ATRNL1: variants seen among roughly 807,000 people sequenced by gnomAD.
ATRNL1 encodes the protein attractin like 1.
A neutral mutation model predicts 182.7 loss-of-function variants in ATRNL1; 95 were observed. The observed-to-expected ratio is 0.52, with a 90% CI of 0.44 to 0.62. ATRNL1 has a LOEUF of 0.62. ATRNL1 is among the 20% of genes least tolerant of loss of function. ATRNL1 has a pLI of 0.00. For synonymous variants in ATRNL1, 576 were observed against 568.3 expected, an observed-to-expected ratio of 1.01 and a Z score of -0.19; for missense variants, 1,471 against 1,679.5, an observed-to-expected ratio of 0.88 and a Z score of 2.17.
intron 26 of ATRNL1, among the ~76,000 whole-genome samples, chr10:115,566,462 TTTATC>T (rs1298699173): frequency 1.3e-5 from 2 of 152,182 alleles, no homozygotes; most frequent in Non-Finnish European, 2.9e-5. Context: ...TGGCTATTCT[TTTATC>T]TTAGGTTATT....
chr10:115,176,580 AAG>A (rs1847517985), intron 8 of ATRNL1, among the ~76,000 whole-genome samples: 2 of 152,088 alleles, frequency 1.3e-5, no homozygotes, highest in Non-Finnish European at 2.9e-5. Context: ...TGTGAGATAA[AAG>A]AGAGGAACCA....
chr10:115,342,297 T>C (rs531030165), intron 19 of ATRNL1, among the ~76,000 whole-genome samples: 15 of 151,910 alleles, frequency 9.9e-5, no homozygotes, highest in African/African-American at 3.6e-4. Context: ...GTGAAGGCCT[T>C]TTTTTTCCTG....
chr10:115,336,852 TC>T, intron 19 of ATRNL1, among the ~76,000 whole-genome samples: 1 of 151,590 alleles, frequency 6.6e-6, no homozygotes, highest in African/African-American at 2.4e-5. Context: ...GATTTTTTTT[TC>T]TTTTTTTTTT....
chr10:115,555,366 AT>A (rs1554996769), intron 26 of ATRNL1, among the ~76,000 whole-genome samples: 1 of 151,864 alleles, frequency 6.6e-6, no homozygotes, highest in Non-Finnish European at 1.5e-5. Flanking sequence ...TCTTAAAGAT[AT>A]ATATCTGCCT....
chr10:115,570,948 G>T (rs144706905), intron 26 of ATRNL1, among the ~76,000 whole-genome samples: 1 of 152,258 alleles, frequency 6.6e-6, no homozygotes, highest in South Asian at 2.1e-4. Flanking sequence ...CAAGCATAGG[G>T]TTTATTCATA....
At chr10:115,363,109 A>G (rs1362204682) in intron 19 of ATRNL1, among the ~76,000 whole-genome samples, 1 of 147,168 alleles carries the variant, frequency 6.8e-6, no homozygotes, top group African/African-American at 2.5e-5. Flanking sequence ...GACTTCCACA[A>G]TGGTTGAACT....
At chr10:115,194,872 G>T (rs1848301419) in intron 8 of ATRNL1, among the ~76,000 whole-genome samples, 1 of 148,116 alleles carries the variant, frequency 6.8e-6, no homozygotes, top group African/African-American at 2.5e-5. Context: ...TTTGTTTTGT[G>T]GTTACCATGA....
intron 28 of ATRNL1, among the ~76,000 whole-genome samples, chr10:115,905,331 G>C (rs1026732561): frequency 6.6e-6 from 1 of 151,448 alleles, no homozygotes; most frequent in South Asian, 2.1e-4. Context: ...AGCGATCCTC[G>C]TACCTCAGCC....
intron 18 of ATRNL1, among the ~76,000 whole-genome samples, chr10:115,328,002 G>T (rs1262230970): frequency 6.6e-6 from 1 of 151,834 alleles, no homozygotes; most frequent in Non-Finnish European, 1.5e-5. Flanking sequence ...CGAGTTAGTG[G>T]GTGCAGCGCA....
intron 27 of ATRNL1, among the ~76,000 whole-genome samples, chr10:115,758,671 G>T (rs1428220789): frequency 6.6e-6 from 1 of 152,204 alleles, no homozygotes; most frequent in Non-Finnish European, 1.5e-5. Flanking sequence ...TGGGAGAACC[G>T]CTGCTCTCTT....
rs868909034 is a variant in ATRNL1 at position 115,628,080 on chromosome 10, G to A, written c.3795+78544G>A. 3.3e-4 allele frequency among the ~76,000 whole-genome samples: 50 copies of A among 150,566 alleles called. 2 individuals carry two copies. Among genetic ancestry groups the A allele is most frequent in the Middle Eastern group, 6.4e-3 (2 of 314 alleles). On this transcript the variant is annotated intron_variant, in intron 26 of 28. Coordinates refer to ENST00000355044, the MANE Select transcript of ATRNL1 (RefSeq NM_207303.4). ...GAGAATTGCTTGAACCCGGGAGGCG[G>A]AGGTTACAGTGAGCCAAGATCGCAC...
chr10:115,682,671 T>C (rs1565281132), intron 26 of ATRNL1, among the ~76,000 whole-genome samples: 1 of 148,622 alleles, frequency 6.7e-6, no homozygotes, highest in Non-Finnish European at 1.5e-5. Flanking sequence ...ATAATACATA[T>C]GATGATGATG....
chr10:115,944,889 C>T lies in ATRNL1; in HGVS notation c.*110C>T. 1 of 1,272,578 alleles carries T rather than the reference C, an allele frequency of 7.9e-7. No individual in the cohort carries two copies. Among genetic ancestry groups the T allele is most frequent in the South Asian group, 2.4e-5 (1 of 42,526 alleles). 78.8% of individuals were successfully genotyped at this position (1,272,578 alleles called of 1,614,324 possible). A position where few individuals can be genotyped will look rare whatever the true frequency, so the allele number is the denominator to read the frequency against. ...GGCAGATCTCTGTATCATCCAGAGC[C>T]TGAGTACAGTTTCCTTCCAAATGGA... is the stretch of plus-strand genomic sequence containing the variant. On this transcript the variant is annotated 3_prime_UTR_variant, in exon 29 of 29. Coordinates refer to ENST00000355044, the MANE Select transcript of ATRNL1 (RefSeq NM_207303.4).
At chr10:115,804,954 A>G (rs1035662600) in intron 27 of ATRNL1, among the ~76,000 whole-genome samples, 1 of 152,238 alleles carries the variant, frequency 6.6e-6, no homozygotes, top group South Asian at 2.1e-4. Flanking sequence ...ATTTTCGTTA[A>G]GTCTAAAGAA....
At chr10:115,750,618 T>C (rs1593167041) in intron 27 of ATRNL1, among the ~76,000 whole-genome samples, 1 of 151,622 alleles carries the variant, frequency 6.6e-6, no homozygotes, top group Non-Finnish European at 1.5e-5. Flanking sequence ...GGTGACAATA[T>C]GAAAATTTAG....
chr10:115,654,271 G>A (rs1860192077), intron 26 of ATRNL1, among the ~76,000 whole-genome samples: 2 of 151,606 alleles, frequency 1.3e-5, no homozygotes, highest in Non-Finnish European at 2.9e-5. Flanking sequence ...CCAGGCTGGA[G>A]TGCAGTGGCG....
At chr10:115,243,389 C>G (rs1850502490) in intron 10 of ATRNL1, among the ~76,000 whole-genome samples, 1 of 151,994 alleles carries the variant, frequency 6.6e-6, no homozygotes, top group Non-Finnish European at 1.5e-5. Flanking sequence ...CTAATTACTA[C>G]TATTTATTTA....
intron 8 of ATRNL1, among the ~76,000 whole-genome samples, chr10:115,209,705 A>T (rs1848947386): frequency 6.6e-6 from 1 of 151,908 alleles, no homozygotes. Context: ...GCAAATAACA[A>T]CAGAGGATAA....
intron 4 of ATRNL1, among the ~76,000 whole-genome samples, chr10:115,128,708 T>C (rs1483259734): frequency 6.6e-6 from 1 of 151,770 alleles, no homozygotes; most frequent in African/African-American, 2.4e-5. Context: ...GCGCCTGTAG[T>C]CCCAGCTACT....
Sources: gnomAD v4.1 joint callset for allele counts (sites outside exome capture counted in the v4.1 genomes callset) on GRCh38, gnomAD v4.1.1 for gene constraint, MANE v1.5 for transcripts, NCBI Gene and HGNC (gene_info 2026-07-23, HGNC 2026-07-21) for gene names.